Variants in C1orf198 observed in about 807,000 individuals in gnomAD.
The protein encoded by C1orf198 is chromosome 1 open reading frame 198, also known as uncharacterized protein C1orf198.
C1orf198 carries 17 observed loss-of-function variants against 31.4 expected under a neutral mutation model. That is an observed-to-expected ratio of 0.54 (90% CI 0.37 to 0.81). The LOEUF (loss-of-function observed/expected upper bound fraction) is 0.81, where lower values mean the gene tolerates loss of function less well. Ranked by LOEUF, C1orf198 falls within the 40% of genes least tolerant of loss-of-function variation. The probability of loss-of-function intolerance (pLI) is 0.00; values close to 1 mark genes in which losing one functional copy is unlikely to be tolerated. For missense variants in C1orf198, 401 were observed against 450.3 expected (o/e 0.89, Z 0.99); for synonymous variants, 175 against 193.8 (o/e 0.90, Z 0.81).
At chr1:230,842,800 A>G (rs1396880841) in intron 3 of C1orf198, among the ~76,000 whole-genome samples, 1 of 152,140 alleles carries the variant, frequency 6.6e-6, no homozygotes, top group African/African-American at 2.4e-5. Context: ...CTCAAGGGCC[A>G]GAGGAGGATG....
At chr1:230,844,004 G>A (rs1318659550) in intron 2 of C1orf198, 108 bp from the exon 3 acceptor site, 2 of 1,170,490 alleles carry the variant, frequency 1.7e-6, no homozygotes, top group East Asian at 4.8e-5. Context: ...ACGCACACCA[G>A]CCACACACGA....
chr1:230,852,590 G>C (rs61131833), intron 2 of C1orf198, among the ~76,000 whole-genome samples: 2 of 151,994 alleles, frequency 1.3e-5, no homozygotes, highest in African/African-American at 4.8e-5. Flanking sequence ...AAGAGTTCTC[G>C]AGATGGATGA....
At chr1:230,853,962 C>G (rs1409098049) in intron 2 of C1orf198, among the ~76,000 whole-genome samples, 1 of 152,160 alleles carries the variant, frequency 6.6e-6, no homozygotes, top group African/African-American at 2.4e-5. Flanking sequence ...GTGGCCACTC[C>G]AGGAGCTGCA....
chr1:230,850,587 G>A (rs76737562), intron 2 of C1orf198, among the ~76,000 whole-genome samples: 3,043 of 152,174 alleles, frequency 0.02, 114 homozygotes, highest in African/African-American at 0.07. Context: ...GTGACGCATC[G>A]TCCCACACAC....
rs778638875 is a variant in C1orf198, at chr1:230,843,770, T to C, written c.511A>G (p.Ser171Gly). The C allele has an allele frequency of 1.3e-5, 21 of 1,612,710 alleles. No individual in the cohort carries two copies. The highest frequency in any genetic ancestry group is 1.8e-5 in the Non-Finnish European group (21 of 1,179,148). ...GSQALKSSQG[S>G]RSSSLDALGP... ...AGGGCGTCCAGGCTGGAGGACCTGC[T>C]GCCTTGGGAGGACTTGAGGGCCTGG... is the stretch of plus-strand genomic sequence containing the variant. Residue 171 changes from serine (S) to glycine (G), a missense_variant, in exon 3 of 4, where the codon AGC becomes GGC. By Grantham distance (56) the Ser-to-Gly change is moderately conservative (BLOSUM62 0). Coordinates refer to ENST00000366663, the MANE Select transcript of C1orf198 (RefSeq NM_032800.3). The surrounding 1 kb of genome is among the most constrained non-coding windows in gnomAD (Gnocchi z 4.9).
At position 230,850,113 on chromosome 1, in the gene C1orf198, T is replaced by G. The variant is rs899905377; in HGVS notation, c.384+5555A>C. Among the ~76,000 whole-genome samples, 6 of 152,188 alleles carry G rather than the reference T, an allele frequency of 3.9e-5. No homozygotes were observed. The East Asian group carries it at 9.6e-4, about 24-fold the overall frequency. On this transcript the variant is annotated intron_variant, in intron 2 of 3. Transcript: ENST00000366663. ...AGGGACAAATAATTGTGTCTGCCAT[T>G]CTGGGCTCATCATCTCACAGGGACA...
At chr1:230,862,136 G>A (rs113336647) in intron 1 of C1orf198, among the ~76,000 whole-genome samples, 9 of 152,244 alleles carry the variant, frequency 5.9e-5, no homozygotes, top group East Asian at 1.9e-4. Flanking sequence ...GAGCTGTGTC[G>A]TGCCCATCAC....
rs536885272 is a variant in C1orf198, at chr1:230,847,593, G to A, written c.385-3697C>T. ...AGGTATGACATCCATGGAAGCTGCC[G>A]GGAGCAATGGACACAGTGGGATTTC... is the stretch of plus-strand genomic sequence containing the variant. On this transcript the variant is annotated intron_variant, in intron 2 of 3. Transcript: ENST00000366663. 9.7e-4 allele frequency among the ~76,000 whole-genome samples: 148 copies of A among 152,240 alleles called. 2 individuals carry two copies. Among genetic ancestry groups the A allele is most frequent in the African/African-American group, 3.5e-3 (146 of 41,522 alleles).
rs1411494841 is a variant in C1orf198 at position 230,857,549 on chromosome 1, G to A, written c.334-1831C>T. Among the ~76,000 whole-genome samples the A allele has an allele frequency of 6.6e-6, 1 of 152,170 alleles. No individual in the cohort carries two copies. Among genetic ancestry groups the A allele is most frequent in the Non-Finnish European group, 1.5e-5 (1 of 68,046 alleles). On this transcript the variant is annotated intron_variant, in intron 1 of 3. Coordinates refer to ENST00000366663, the MANE Select transcript of C1orf198 (RefSeq NM_032800.3). This position sits in a 1 kb window ranked among gnomAD's most constrained non-coding sequence, Gnocchi z 4.2. ...TAGAGATCTGGTTCTGTGTCCTGAT[G>A]GCTGTGCTGTGTGCCTTGGCTCTGT...
At chr1:230,859,139 C>T (rs988524571) in intron 1 of C1orf198, among the ~76,000 whole-genome samples, 2 of 152,202 alleles carry the variant, frequency 1.3e-5, no homozygotes, top group East Asian at 3.8e-4. Flanking sequence ...ACTGCACGCT[C>T]TAGCCACAAA....
upstream of C1orf198, chr1:230,868,546 C>A: frequency 4.8e-6 from 6 of 1,240,912 alleles, no homozygotes; most frequent in Non-Finnish European, 6.1e-6. Flanking sequence ...GCCCGCGCCC[C>A]GCCCCTCGCT....
chr1:230,847,278 CAAAAAAAA>C (rs11320938), intron 2 of C1orf198, among the ~76,000 whole-genome samples: 8 of 91,242 alleles, frequency 8.8e-5, no homozygotes, highest in African/African-American at 2.8e-4. Context: ...GACTCTGTCT[CAAAAAAAA>C]AAAAAAGAAA....
intron 1 of C1orf198, 150 bp downstream of exon 1, chr1:230,868,030 T>A: frequency 1.2e-6 from 1 of 815,514 alleles, no homozygotes; most frequent in Non-Finnish European, 1.7e-6. Context: ...ACTTCGGCTC[T>A]GGGGCTCCCC....
chr1:230,842,573 G>A (rs1013151700), intron 3 of C1orf198, among the ~76,000 whole-genome samples: 1 of 152,188 alleles, frequency 6.6e-6, no homozygotes, highest in South Asian at 2.1e-4. Context: ...TGACACAATG[G>A]ACTTTGGGGA....
chr1:230,837,267 G>A lies in C1orf198; in HGVS notation c.*2585C>T, dbSNP rs1003503728. On this transcript the variant is annotated 3_prime_UTR_variant, in exon 4 of 4. Transcript: ENST00000366663. ...GAGGCTCTTCCTGAAATCCACACAG[G>A]GGGGTGCGGCTCAGACGGGTGACAG... 6.6e-6 allele frequency: 1 copy of A among 152,626 alleles called. No homozygotes were observed. Among genetic ancestry groups the A allele is most frequent in the African/African-American group, 2.4e-5 (1 of 41,442 alleles). 9.5% of individuals were successfully genotyped at this position (152,626 alleles called of 1,614,324 possible). A position where few individuals can be genotyped will look rare whatever the true frequency, so the allele number is the denominator to read the frequency against.
chr1:230,847,574 G>A (rs1009685802), intron 2 of C1orf198, among the ~76,000 whole-genome samples: 2 of 152,168 alleles, frequency 1.3e-5, no homozygotes, highest in Non-Finnish European at 2.9e-5. Flanking sequence ...CACCAGGTAT[G>A]ACATCCATGG....
chr1:230,845,052 T>C (rs74474846), intron 2 of C1orf198, among the ~76,000 whole-genome samples: 2 of 152,076 alleles, frequency 1.3e-5, no homozygotes, highest in East Asian at 3.9e-4. Flanking sequence ...TACTCCCTCA[T>C]ATTTCCCTGC....
At chr1:230,862,349 G>A (rs2102991885) in intron 1 of C1orf198, among the ~76,000 whole-genome samples, 1 of 152,294 alleles carries the variant, frequency 6.6e-6, no homozygotes, top group South Asian at 2.1e-4. Flanking sequence ...ATATATTACA[G>A]GAGTGAGGTA....
At chr1:230,846,380 C>G (rs16842376) in intron 2 of C1orf198, among the ~76,000 whole-genome samples, 2 of 152,184 alleles carry the variant, frequency 1.3e-5, no homozygotes, top group East Asian at 3.8e-4. Context: ...AATCAATGGT[C>G]TGTTCAGTCC....
Sources: gnomAD v4.1 joint callset for allele counts (sites outside exome capture counted in the v4.1 genomes callset) on GRCh38, gnomAD v4.1.1 for gene constraint, Gnocchi (gnomAD v3.1) non-coding constraint, MANE v1.5 for transcripts, NCBI Gene and HGNC (gene_info 2026-07-23, HGNC 2026-07-21) for gene names.